TTC7A: variants seen among roughly 807,000 people sequenced by gnomAD.
TTC7A encodes the protein tetratricopeptide repeat protein 7A.
Under a neutral mutation model 103.7 loss-of-function variants are expected in TTC7A, and 110 were observed. The observed-to-expected ratio is 1.06, with a 90% confidence interval of 0.91 to 1.24. The LOEUF is 1.24. Among genes scored for constraint, TTC7A ranks in the 50% most tolerant of loss-of-function variants. The pLI is 0.00. For missense variants in TTC7A, 1,340 were observed against 1,116.3 expected (o/e 1.20, Z -2.86); for synonymous variants, 521 against 467.9 (o/e 1.11, Z -1.47).
intron 6 of TTC7A, 99 bp downstream of exon 6, chr2:46,993,627 T>G: frequency 3.6e-6 from 4 of 1,106,212 alleles, no homozygotes; most frequent in East Asian, 2.4e-5. Context: ...GGGGTGGCAG[T>G]AGGTCTCCTG....
intron 15 of TTC7A, among the ~76,000 whole-genome samples, chr2:47,030,141 C>A (rs753979576): frequency 7.9e-5 from 12 of 152,258 alleles, no homozygotes; most frequent in Non-Finnish European, 1.8e-4. Context: ...AAGTAACCCA[C>A]TTCCCCCTGT....
At position 47,063,817 on chromosome 2, in the gene TTC7A, T is replaced by G. The variant is rs889118353; in HGVS notation, c.2355+2846T>G. 3.3e-5 allele frequency among the ~76,000 whole-genome samples: 5 copies of G among 152,328 alleles called. 1 individual carries two copies. Among genetic ancestry groups the G allele is most frequent in the African/African-American group, 1.2e-4 (5 of 41,580 alleles). ...GAGGTCGTGGGTGAGTCCCACTCCC[T>G]GAGGTCTGGAAAGTGGTCGGTGGAG... On this transcript the variant is annotated intron_variant, in intron 19 of 19. Transcript: ENST00000319190.
chr2:47,044,835 G>T (rs1201588781), intron 15 of TTC7A, among the ~76,000 whole-genome samples: 1 of 152,232 alleles, frequency 6.6e-6, no homozygotes, highest in East Asian at 1.9e-4. Flanking sequence ...ACAAAGTATG[G>T]AAAGATGGGC....
At chr2:47,000,981 A>G (rs2104424525) in intron 8 of TTC7A, among the ~76,000 whole-genome samples, 1 of 152,222 alleles carries the variant, frequency 6.6e-6, no homozygotes, top group South Asian at 2.1e-4. Context: ...AGGTACCTGG[A>G]GGCACAGAAG....
chr2:46,928,453 G>A lies in TTC7A; in HGVS notation c.82+11176G>A, dbSNP rs1344643796. 2.2e-5 allele frequency among the ~76,000 whole-genome samples: 3 copies of A among 138,084 alleles called. No homozygotes were observed. The East Asian group carries it at 6.1e-4, about 28-fold the overall frequency. 90.6% of individuals were successfully genotyped at this position (138,084 alleles called of 152,430 possible). On this transcript the variant is annotated intron_variant, in intron 2 of 20. Transcript: ENST00000409245. Reference sequence around the variant, plus strand: ...TCTTTCAAGCTCAGGTGGTGGAAAGGGAAATTAAAAAAAAAAAAAAAAAAA... The same window carrying A: ...TCTTTCAAGCTCAGGTGGTGGAAAGAGAAATTAAAAAAAAAAAAAAAAAAA...
At chr2:46,965,616 C>T (rs1199323827) in intron 3 of TTC7A, among the ~76,000 whole-genome samples, 1 of 148,034 alleles carries the variant, frequency 6.8e-6, no homozygotes, top group South Asian at 2.1e-4. Context: ...GGCTGGAGTG[C>T]AGTGATGCGA....
chr2:46,924,636 T>C (rs993495657), intron 2 of TTC7A, among the ~76,000 whole-genome samples: 1 of 152,188 alleles, frequency 6.6e-6, no homozygotes, highest in Non-Finnish European at 1.5e-5. Flanking sequence ...CTTTTTTTTT[T>C]TTCCCCTGGA....
At chr2:46,988,753 GA>G (rs1318026645) in intron 5 of TTC7A, among the ~76,000 whole-genome samples, 2 of 152,194 alleles carry the variant, frequency 1.3e-5, no homozygotes, top group Admixed American at 1.3e-4. Flanking sequence ...GCCAGGAAAA[GA>G]AAATGTAACC....
At chr2:46,974,652 T>A (rs1316068661) in intron 3 of TTC7A, 2 of 472,648 alleles carry the variant, frequency 4.2e-6, no homozygotes, top group Non-Finnish European at 4.2e-6. Flanking sequence ...AAAAATAAAT[T>A]TTTTTAAAAA....
chr2:47,039,595 T>C (rs909997841), intron 15 of TTC7A, among the ~76,000 whole-genome samples: 6 of 152,278 alleles, frequency 3.9e-5, no homozygotes, highest in Admixed American at 3.3e-4. Context: ...TACTCATTTC[T>C]GAGGAGTCTC....
Position 47,073,927 on chromosome 2 carries a change from C to T in TTC7A, c.*4C>T, listed in dbSNP as rs201174517. On this transcript the variant is annotated 3_prime_UTR_variant, in exon 20 of 20. Coordinates refer to ENST00000319190, the MANE Select transcript of TTC7A (RefSeq NM_020458.4). ...CATCATCCCCAGAGAGCTCTGACGACGCTGCAGCCGCAGGGAGGGAGGGGC... is the reference window on the plus strand; with the variant it reads ...CATCATCCCCAGAGAGCTCTGACGATGCTGCAGCCGCAGGGAGGGAGGGGC... 2.9e-5 allele frequency: 47 copies of T among 1,606,330 alleles called. No individual in the cohort carries two copies. The highest frequency in any genetic ancestry group is 2.1e-4 in the Middle Eastern group (1 of 4,806).
rs749650681 is a variant in TTC7A at position 46,978,844 on chromosome 2, A to G, written c.701A>G (p.Tyr234Cys). 5.6e-6 allele frequency: 9 copies of G among 1,613,964 alleles called. No individual in the cohort carries two copies. The highest frequency in any genetic ancestry group is 2.2e-5 in the East Asian group (1 of 44,888). Reference sequence around the variant, plus strand: ...CTGAAAGGCTGTCACCCGCTTGACTATGAGCTCACCTACTTCCTGGAAGCT... The same window carrying G: ...CTGAAAGGCTGTCACCCGCTTGACTGTGAGCTCACCTACTTCCTGGAAGCT... ...RHLKGCHPLD[Y>C]ELTYFLEAAL... is the part of the protein sequence containing the mutation. The change falls in exon 5 of 20, where the codon TAT becomes TGT. Residue 234 changes from tyrosine to cysteine, a missense_variant. Transcript: ENST00000319190.
intron 18 of TTC7A, among the ~76,000 whole-genome samples, chr2:47,052,527 A>G (rs1682951577): frequency 6.6e-6 from 1 of 152,188 alleles, no homozygotes; most frequent in Non-Finnish European, 1.5e-5. Flanking sequence ...GTCATGGTGG[A>G]GGAAGAGGCA....
rs115825693 is a variant in TTC7A, at chr2:47,011,521, T to A, written c.1392+86T>A. ...CTGTGCACGTCTTGACGTGTATGTG[T>A]GGGTGCATGCCGAAGGTGGAAAGGA... On this transcript the variant is annotated intron_variant, in intron 11 of 19. Transcript: ENST00000319190. The A allele has an allele frequency of 8.5e-4, 901 of 1,060,842 alleles. 4 individuals carry two copies. The African/African-American group carries it at 0.012, about 15-fold the overall frequency. The allele number at this position is 1,060,842 out of a possible 1,614,324, so 65.7% of individuals were successfully genotyped here. A position where few individuals can be genotyped will look rare whatever the true frequency, so the allele number is the denominator to read the frequency against.
intron 3 of TTC7A, among the ~76,000 whole-genome samples, chr2:46,970,082 C>T (rs949717354): frequency 5.9e-5 from 9 of 152,184 alleles, no homozygotes; most frequent in East Asian, 1.9e-4. Context: ...CTCCACCTCC[C>T]GGGCTCAAGC....
Position 47,007,617 on chromosome 2 carries a change from T to G in TTC7A, c.1287+893T>G, listed in dbSNP as rs1172691053. Among the ~76,000 whole-genome samples, 5 of 152,002 alleles carry G rather than the reference T, an allele frequency of 3.3e-5. No individual in the cohort carries two copies. The highest frequency in any genetic ancestry group is 7.4e-5 in the Non-Finnish European group (5 of 67,972). On this transcript the variant is annotated intron_variant, in intron 10 of 19. Transcript: ENST00000319190. This position sits in a 1 kb window ranked among gnomAD's most constrained non-coding sequence, Gnocchi z 4.9. ...AGGGCCCTCCTGGCTTGCCAGTGCC[T>G]CCTCCACGCATCAAGGGCGTGCCAG...
intron 7 of TTC7A, 29 bp from the exon 8 acceptor site, chr2:46,995,107 T>C (rs1353125890): frequency 6.2e-7 from 1 of 1,613,254 alleles, no homozygotes; most frequent in Non-Finnish European, 8.5e-7. Context: ...GTGTGTGCTC[T>C]AGCCAGGCCT....
chr2:46,996,761 T>A (rs1196895777), intron 8 of TTC7A, among the ~76,000 whole-genome samples: 2 of 152,222 alleles, frequency 1.3e-5, no homozygotes, highest in African/African-American at 2.4e-5. Context: ...ATGTGCCACA[T>A]CTGATTTTCA....
intron 8 of TTC7A, among the ~76,000 whole-genome samples, chr2:47,005,282 G>A (rs1677258747): frequency 6.6e-6 from 1 of 152,164 alleles, no homozygotes; most frequent in Admixed American, 6.5e-5. Flanking sequence ...AGAGGCTGAA[G>A]AGGAAGAGAA....
Sources: gnomAD v4.1 joint callset for allele counts (sites outside exome capture counted in the v4.1 genomes callset) on GRCh38, gnomAD v4.1.1 for gene constraint, Gnocchi (gnomAD v3.1) non-coding constraint, MANE v1.5 for transcripts, NCBI Gene and HGNC (gene_info 2026-07-23, HGNC 2026-07-21) for gene names.